The following NSRP1 variants were observed in gnomAD, a reference collection of about 807,000 sequenced individuals.
NSRP1 encodes the protein coiled-coil domain containing 55.
In NSRP1, 24 loss-of-function variants were observed where a neutral mutation model predicts 54.7. The observed-to-expected ratio is 0.44, with a 90% CI of 0.32 to 0.62. NSRP1 has a LOEUF of 0.62. Ranked by LOEUF, NSRP1 falls within the 20% of genes least tolerant of loss-of-function variation. The pLI, the probability that NSRP1 is intolerant of heterozygous loss-of-function variation, is 0.06. For synonymous variants in NSRP1, 210 were observed against 213.8 expected (o/e 0.98, Z 0.15); for missense variants, 596 against 651.2 (o/e 0.92, Z 0.92).
intron 2 of NSRP1, among the ~76,000 whole-genome samples, chr17:30,159,370 G>A (rs780634012): frequency 3.9e-5 from 6 of 152,078 alleles, no homozygotes; most frequent in Non-Finnish European, 8.8e-5. Flanking sequence ...GTGTGTGTGT[G>A]TAGTCGTTTG....
At chr17:30,169,835 G>A (rs1029003924) in intron 2 of NSRP1, among the ~76,000 whole-genome samples, 3 of 150,264 alleles carry the variant, frequency 2.0e-5, no homozygotes, top group African/African-American at 7.4e-5. Context: ...TTTTGTTCTG[G>A]TTATTACCAT....
At chr17:30,147,835 G>A (rs546179360) in intron 2 of NSRP1, among the ~76,000 whole-genome samples, 25 of 150,064 alleles carry the variant, frequency 1.7e-4, no homozygotes, top group Non-Finnish European at 2.2e-4. Context: ...TTTTGAGACG[G>A]AGTTTCGCTC....
chr17:30,127,901 C>A, intron 2 of NSRP1: 1 of 397,966 alleles, frequency 2.5e-6, no homozygotes, highest in South Asian at 1.3e-4. Context: ...TTTGTGCAGT[C>A]ACAACTCATG....
At chr17:30,131,088 T>G (rs2071695490) in intron 2 of NSRP1, among the ~76,000 whole-genome samples, 1 of 152,190 alleles carries the variant, frequency 6.6e-6, no homozygotes, top group African/African-American at 2.4e-5. Context: ...TAGAGCAGGA[T>G]AAGGAAAATT....
intron 2 of NSRP1, among the ~76,000 whole-genome samples, chr17:30,155,794 C>T (rs1415289857): frequency 6.6e-6 from 1 of 151,956 alleles, no homozygotes; most frequent in East Asian, 1.9e-4. Flanking sequence ...AACATTTTTT[C>T]AGCTATATCC....
At chr17:30,117,127 C>G (rs1050250914) in intron 1 of NSRP1, 1 of 743,472 alleles carries the variant, frequency 1.3e-6, no homozygotes, top group African/African-American at 1.7e-5. Flanking sequence ...TTCTATTTTC[C>G]AAAAGCTCGG....
At chr17:30,151,581 C>T (rs999003174) in intron 2 of NSRP1, among the ~76,000 whole-genome samples, 2 of 151,796 alleles carry the variant, frequency 1.3e-5, no homozygotes, top group African/African-American at 4.8e-5. Flanking sequence ...TTGAGCTAGC[C>T]GAGGAGAAGG....
intron 1 of NSRP1, chr17:30,117,300 A>G (rs754725658): frequency 1.7e-6 from 1 of 585,574 alleles, no homozygotes; most frequent in Non-Finnish European, 3.0e-6. Context: ...TTCTCGTTTT[A>G]GGAATATTGT....
intron 2 of NSRP1, among the ~76,000 whole-genome samples, chr17:30,145,496 T>G (rs2071846072): frequency 6.6e-6 from 1 of 152,104 alleles, no homozygotes; most frequent in African/African-American, 2.4e-5. Context: ...GGCAGGAGAA[T>G]CGCTTGAATC....
At chr17:30,159,868 G>A (rs759152726) in intron 2 of NSRP1, among the ~76,000 whole-genome samples, 1 of 152,020 alleles carries the variant, frequency 6.6e-6, no homozygotes, top group Non-Finnish European at 1.5e-5. Flanking sequence ...CACCATGTTG[G>A]CCAGGCTGGT....
At chr17:30,128,418 A>G (rs924178264) in intron 2 of NSRP1, among the ~76,000 whole-genome samples, 3 of 152,174 alleles carry the variant, frequency 2.0e-5, no homozygotes, top group East Asian at 1.9e-4. Flanking sequence ...TTGCCATCAT[A>G]TTAGCCAAAT....
At chr17:30,171,303 CTT>C (rs34039932) in intron 2 of NSRP1, among the ~76,000 whole-genome samples, 2,317 of 108,288 alleles carry the variant, frequency 0.021, 42 homozygotes, top group African/African-American at 0.067. Context: ...TTGTAATTGT[CTT>C]TTTTTTTTTT....
At chr17:30,177,126 T>C (rs1597620994) in intron 3 of NSRP1, among the ~76,000 whole-genome samples, 1 of 152,158 alleles carries the variant, frequency 6.6e-6, no homozygotes, top group African/African-American at 2.4e-5. Flanking sequence ...TCCAGCACTT[T>C]GGGGGGCGCT....
rs951471740 is a variant in NSRP1, at chr17:30,186,191, G to A, written c.*517G>A. 6.6e-6 allele frequency: 1 copy of A among 152,176 alleles called. No homozygotes were observed. The highest frequency in any genetic ancestry group is 2.4e-5 in the African/African-American group (1 of 41,430). The allele number at this position is 152,176 out of a possible 1,614,324, so 9.4% of individuals were successfully genotyped here. On this transcript the variant is annotated 3_prime_UTR_variant, in exon 7 of 7. Transcript: ENST00000247026. Reference sequence around the variant, plus strand: ...GAGGCAAGAAGATCACTTGAGCCTAGGAATTTGATGTTACAGTGAGGTATG... The same window carrying A: ...GAGGCAAGAAGATCACTTGAGCCTAAGAATTTGATGTTACAGTGAGGTATG...
chr17:30,182,048 CTTTTTTTTT>C (rs10549815), intron 6 of NSRP1, among the ~76,000 whole-genome samples: 2 of 98,328 alleles, frequency 2.0e-5, no homozygotes, highest in African/African-American at 7.8e-5. Flanking sequence ...CACCTGGCTG[CTTTTTTTTT>C]TTTTTTTTTT....
chr17:30,172,768 A>G (rs1254287522), intron 3 of NSRP1, among the ~76,000 whole-genome samples, 170 bp downstream of exon 3: 5 of 152,118 alleles, frequency 3.3e-5, no homozygotes, highest in Non-Finnish European at 7.3e-5. Context: ...TTCTGCTTGT[A>G]GATGACTCAT....
intron 2 of NSRP1, among the ~76,000 whole-genome samples, chr17:30,121,783 T>A (rs1456819586): frequency 2.0e-5 from 3 of 152,160 alleles, no homozygotes; most frequent in Non-Finnish European, 2.9e-5. Context: ...TTGATCAGGC[T>A]GGTCTCGAAC....
At position 30,147,842 on chromosome 17, in the gene NSRP1, G is replaced by T. The variant is rs564445880; in HGVS notation, c.115-24700G>T. ...TTTTTTTTTTTTGAGACGGAGTTTC[G>T]CTCTTGTCCCCCTGGCTGGAGTGCA... On this transcript the variant is annotated intron_variant, in intron 2 of 6. Coordinates refer to ENST00000247026, the MANE Select transcript of NSRP1 (RefSeq NM_032141.4). Among the ~76,000 whole-genome samples, 4 of 147,266 alleles carry T rather than the reference G, an allele frequency of 2.7e-5. No individual in the cohort carries two copies. The South Asian group carries it at 6.4e-4, about 24-fold the overall frequency.
chr17:30,181,597 GT>G (rs35525133), intron 6 of NSRP1, among the ~76,000 whole-genome samples: 3,301 of 135,318 alleles, frequency 0.024, 120 homozygotes, highest in African/African-American at 0.086. Context: ...TGTGTGTGTG[GT>G]TTTTTTTTTT....
Sources: allele counts gnomAD v4.1 joint callset (sites outside exome capture counted in the v4.1 genomes callset), GRCh38; gene constraint gnomAD v4.1.1; transcripts MANE v1.5; gene names NCBI Gene and HGNC (gene_info 2026-07-23, HGNC 2026-07-21).